The following DGKB variants were observed in gnomAD, a reference collection of about 807,000 sequenced individuals.
DGKB encodes the protein 90 kDa diacylglycerol kinase.
DGKB carries 67 observed loss-of-function variants against 114.3 expected under a neutral mutation model. That is an observed-to-expected ratio of 0.59 (90% CI 0.48 to 0.72). DGKB has a LOEUF of 0.72. DGKB is among the 30% of genes least tolerant of loss of function. The pLI, the probability that DGKB is intolerant of heterozygous loss-of-function variation, is 0.00. For missense variants in DGKB, 907 were observed against 975.2 expected (o/e 0.93, Z 0.93); for synonymous variants, 398 against 323.1 (o/e 1.23, Z -2.49).
intron 2 of DGKB, among the ~76,000 whole-genome samples, chr7:14,816,972 C>A (rs998641581): frequency 1.3e-5 from 2 of 152,218 alleles, no homozygotes; most frequent in African/African-American, 4.8e-5. Flanking sequence ...TAAGATGTTT[C>A]TTTTCATAAT....
chr7:14,296,140 T>C (rs193297965), intron 23 of DGKB, among the ~76,000 whole-genome samples: 15 of 151,802 alleles, frequency 9.9e-5, no homozygotes, highest in Non-Finnish European at 1.8e-4. Context: ...CAAGCAATTA[T>C]CCTGCCTCAG....
At position 14,841,298 on chromosome 7, in the gene DGKB, A is replaced by G; in HGVS notation, c.-35T>C. On this transcript the variant is annotated 5_prime_UTR_variant, in exon 2 of 26. Transcript: ENST00000402815. The stretch of plus-strand genomic sequence containing the variant: ...GAGAAGCTCTGTCACATACCAGGTA[A>G]AAGATTCTTTATTCAGGTGTTGCGC... The G allele has an allele frequency of 6.3e-7, 1 of 1,595,904 alleles. No individual in the cohort carries two copies. The highest frequency in any genetic ancestry group is 8.6e-7 in the Non-Finnish European group (1 of 1,165,578).
rs1554304219 is a variant in DGKB at position 14,852,487 on chromosome 7, C to CAAAAAAAACAAAACAAAACA, written c.-187-11038_-187-11037insTGTTTTGTTTTGTTTTTTTT. On this transcript the variant is annotated intron_variant, in intron 1 of 25. Coordinates refer to ENST00000402815, the MANE Select transcript of DGKB (RefSeq NM_001350709.2). ...GAGGAATAGCTAAAATAGTGAAAGTCAAAAAAAAAACAGAAATCAAGCATA... is the reference window on the plus strand; with the variant it reads ...GAGGAATAGCTAAAATAGTGAAAGTCAAAAAAAACAAAACAAAACAAAAAAAAAAACAGAAATCAAGCATA... Among the ~76,000 whole-genome samples, 25 of 63,618 alleles carry CAAAAAAAACAAAACAAAACA rather than the reference C, an allele frequency of 3.9e-4. 3 individuals carry two copies. Among genetic ancestry groups the CAAAAAAAACAAAACAAAACA allele is most frequent in the South Asian group, 1.2e-3 (2 of 1,712 alleles). The allele number at this position is 63,618 out of a possible 152,430, so 41.7% of individuals were successfully genotyped here. A position where few individuals can be genotyped will look rare whatever the true frequency, so the allele number is the denominator to read the frequency against.
At chr7:14,455,950 CT>C (rs1178047621) in intron 21 of DGKB, among the ~76,000 whole-genome samples, 1 of 151,830 alleles carries the variant, frequency 6.6e-6, no homozygotes, top group African/African-American at 2.4e-5. Context: ...GAATTTGTGC[CT>C]TCACTATTTA....
At chr7:14,797,708 G>T (rs1168603830) in intron 2 of DGKB, among the ~76,000 whole-genome samples, 1 of 151,734 alleles carries the variant, frequency 6.6e-6, no homozygotes, top group East Asian at 1.9e-4. Flanking sequence ...GTTGGAGCTT[G>T]TTCTATCCTG....
At chr7:14,796,698 A>AAG (rs886700459) in intron 2 of DGKB, among the ~76,000 whole-genome samples, 1 of 152,022 alleles carries the variant, frequency 6.6e-6, no homozygotes, top group African/African-American at 2.4e-5. Context: ...AAAAAAAAAA[A>AAG]AAAAGTATTT....
At chr7:14,965,540 CAAAT>C (rs1354624004) in intron 1 of DGKB, among the ~76,000 whole-genome samples, 5 of 151,894 alleles carry the variant, frequency 3.3e-5, no homozygotes, top group African/African-American at 4.8e-5. Flanking sequence ...TTAAACAAAA[CAAAT>C]AAAACACTTT....
At chr7:14,598,771 A>G (rs1803029243) in intron 17 of DGKB, among the ~76,000 whole-genome samples, 1 of 152,196 alleles carries the variant, frequency 6.6e-6, no homozygotes, top group Non-Finnish European at 1.5e-5. Flanking sequence ...AAAATAAAAC[A>G]TTGAGGAAGT....
chr7:14,567,803 T>G, intron 20 of DGKB, among the ~76,000 whole-genome samples: 1 of 151,324 alleles, frequency 6.6e-6, no homozygotes. Flanking sequence ...GGTGCGGTTT[T>G]ACCATGTTGA....
intron 1 of DGKB, among the ~76,000 whole-genome samples, chr7:14,883,269 T>C (rs1854518203): frequency 6.6e-6 from 1 of 151,932 alleles, no homozygotes; most frequent in Non-Finnish European, 1.5e-5. Context: ...TATACCTATA[T>C]ATTTGTTTGC....
chr7:14,365,736 T>A lies in DGKB; in HGVS notation c.1836-20345A>T, dbSNP rs1816563575. Among the ~76,000 whole-genome samples, 3 of 152,046 alleles carry A rather than the reference T, an allele frequency of 2.0e-5. No individual in the cohort carries two copies. The South Asian group carries it at 6.2e-4, about 31-fold the overall frequency. On this transcript the variant is annotated intron_variant, in intron 21 of 25. Coordinates refer to ENST00000402815, the MANE Select transcript of DGKB (RefSeq NM_001350709.2). ...CTTGTTTCCATGAATGCAGAAATCTTAGTCAAGTGTTAATAAGCCTTTTAT... is the reference window on the plus strand; with the variant it reads ...CTTGTTTCCATGAATGCAGAAATCTAAGTCAAGTGTTAATAAGCCTTTTAT...
intron 1 of DGKB, among the ~76,000 whole-genome samples, chr7:14,899,715 T>A (rs796221738): frequency 5.9e-5 from 9 of 152,246 alleles, no homozygotes; most frequent in African/African-American, 2.2e-4. Flanking sequence ...ACTTTGGATC[T>A]GGGGTCAATG....
intron 1 of DGKB, among the ~76,000 whole-genome samples, chr7:14,922,889 A>G (rs1784577682): frequency 6.6e-6 from 1 of 152,172 alleles, no homozygotes; most frequent in South Asian, 2.1e-4. Flanking sequence ...TTCTTTCAGC[A>G]ATTTTGAAAT....
chr7:14,880,675 A>T (rs1056340324), intron 1 of DGKB, among the ~76,000 whole-genome samples: 6 of 152,316 alleles, frequency 3.9e-5, no homozygotes, highest in Admixed American at 2.0e-4. Flanking sequence ...ACTTATAATT[A>T]TTCGTAGCTA....
At chr7:14,165,997 T>C (rs1476944033) in intron 25 of DGKB, among the ~76,000 whole-genome samples, 1 of 152,198 alleles carries the variant, frequency 6.6e-6, no homozygotes, top group Non-Finnish European at 1.5e-5. Context: ...CTGCTGACAA[T>C]TTCAGCAATA....
chr7:14,534,959 T>A (rs1193852333), intron 20 of DGKB, among the ~76,000 whole-genome samples: 1 of 151,472 alleles, frequency 6.6e-6, no homozygotes, highest in Non-Finnish European at 1.5e-5. Flanking sequence ...AGAAAAGAAA[T>A]CAAAAAGGAA....
chr7:14,698,216 A>C, intron 7 of DGKB, 47 bp from the exon 8 acceptor site: 2 of 1,205,458 alleles, frequency 1.7e-6, no homozygotes, highest in Non-Finnish European at 2.3e-6. Flanking sequence ...GATCTTAGTG[A>C]GTTTTAAATC....
At chr7:14,728,104 A>T (rs1830290283) in intron 5 of DGKB, among the ~76,000 whole-genome samples, 1 of 152,192 alleles carries the variant, frequency 6.6e-6, no homozygotes, top group Non-Finnish European at 1.5e-5. Flanking sequence ...ATTATAGCTT[A>T]TTGATATGTG....
intron 23 of DGKB, among the ~76,000 whole-genome samples, chr7:14,228,339 C>G (rs1009595125): frequency 9.2e-5 from 14 of 152,008 alleles, no homozygotes; most frequent in African/African-American, 3.1e-4. Flanking sequence ...TAGGCCACCT[C>G]CCACTGCAAC....
Sources: allele counts gnomAD v4.1 joint callset (sites outside exome capture counted in the v4.1 genomes callset), GRCh38; gene constraint gnomAD v4.1.1; transcripts MANE v1.5; gene names NCBI Gene and HGNC (gene_info 2026-07-23, HGNC 2026-07-21).